Variants in PKD2L2 observed in about 807,000 individuals in gnomAD.
PKD2L2 encodes polycystin 2 like 2, transient receptor potential cation channel.
PKD2L2 carries 67 observed loss-of-function variants against 83.9 expected under a neutral mutation model. The ratio of observed to expected loss-of-function variants is 0.80; its 90% confidence interval spans 0.66 to 0.98. The LOEUF is 0.98. Ranked by LOEUF, PKD2L2 falls within the 50% of genes least tolerant of loss-of-function variation. The pLI is 0.00. For synonymous variants in PKD2L2, 223 were observed against 237.8 expected (o/e 0.94, Z 0.57); for missense variants, 632 against 717.2 (o/e 0.88, Z 1.36).
chr5:137,902,717 T>C (rs1261009866), intron 5 of PKD2L2, among the ~76,000 whole-genome samples: 1 of 152,112 alleles, frequency 6.6e-6, no homozygotes, highest in Non-Finnish European at 1.5e-5. Context: ...CAATGACATA[T>C]AATCACAGTT....
intron 14 of PKD2L2, among the ~76,000 whole-genome samples, chr5:137,937,364 G>T (rs1052924567): frequency 6.6e-6 from 1 of 152,158 alleles, no homozygotes; most frequent in Non-Finnish European, 1.5e-5. Context: ...TACAGAGCAG[G>T]GTAGGCGTAT....
rs1757583852 is a variant in PKD2L2, at chr5:137,908,966, G to A, written c.1328+20G>A. 4.8e-6 allele frequency: 7 copies of A among 1,446,702 alleles called. No homozygotes were observed. Among genetic ancestry groups the A allele is most frequent in the Non-Finnish European group, 6.7e-6 (7 of 1,046,206 alleles). 89.6% of individuals were successfully genotyped at this position (1,446,702 alleles called of 1,614,324 possible). A position where few individuals can be genotyped will look rare whatever the true frequency, so the allele number is the denominator to read the frequency against. On this transcript the variant is annotated intron_variant, in intron 8 of 14. Transcript: ENST00000508883. ...TTCCATGTAAGCTCTTAGTATAAAT[G>A]TAATTATATCTTCTATATTTTCTTA...
In PKD2L2 at chr5:137,942,730, G is replaced by A; in HGVS notation, c.*364G>A. The A allele has an allele frequency of 1.6e-6, 1 of 623,906 alleles. No homozygotes were observed. The highest frequency in any genetic ancestry group is 2.9e-5 in the South Asian group (1 of 33,986). The allele number at this position is 623,906 out of a possible 1,614,324, so 38.6% of individuals were successfully genotyped here. On this transcript the variant is annotated 3_prime_UTR_variant, in exon 15 of 15. Transcript: ENST00000508883. ...AAAATGGGAATGACAATAAATATTT[G>A]CAAATCACACTTGAAAAGCATGTGT...
At chr5:137,890,959 C>G (rs1414160052) in intron 2 of PKD2L2, among the ~76,000 whole-genome samples, 1 of 152,140 alleles carries the variant, frequency 6.6e-6, no homozygotes, top group Non-Finnish European at 1.5e-5. Flanking sequence ...AATCAAAGTA[C>G]AAATGAGGCC....
At chr5:137,937,393 T>A (rs1419311102) in intron 14 of PKD2L2, among the ~76,000 whole-genome samples, 1 of 152,214 alleles carries the variant, frequency 6.6e-6, no homozygotes, top group African/African-American at 2.4e-5. Context: ...TAAGTTATGT[T>A]TGGAAAGTGT....
intron 13 of PKD2L2, 66 bp downstream of exon 13, chr5:137,935,975 AAC>A (rs879320898): frequency 1.1e-6 from 1 of 903,880 alleles, no homozygotes; most frequent in Non-Finnish European, 1.8e-6. Flanking sequence ...ACATGAGTTA[AAC>A]ACATTATTTT....
chr5:137,940,047 C>T, intron 14 of PKD2L2: 1 of 1,613,740 alleles, frequency 6.2e-7, no homozygotes. Flanking sequence ...CTTACGCTCC[C>T]TTGAGAGGGC....
At chr5:137,919,525 T>TC (rs369318696) in intron 8 of PKD2L2, among the ~76,000 whole-genome samples, 3 of 151,374 alleles carry the variant, frequency 2.0e-5, no homozygotes, top group African/African-American at 7.2e-5. Context: ...TTTTTTTTTT[T>TC]CCCCAACTCA....
At chr5:137,898,718 A>C (rs1756701116) in intron 4 of PKD2L2, among the ~76,000 whole-genome samples, 1 of 152,042 alleles carries the variant, frequency 6.6e-6, no homozygotes, top group Admixed American at 6.6e-5. Context: ...CACAGCTAAC[A>C]GATGGATTTT....
At chr5:137,940,237 T>C in intron 14 of PKD2L2, 1 of 1,614,068 alleles carries the variant, frequency 6.2e-7, no homozygotes, top group Non-Finnish European at 8.5e-7. Context: ...ATATGGATTT[T>C]GAAGAATCTT....
chr5:137,909,605 C>T (rs906328366), intron 8 of PKD2L2, among the ~76,000 whole-genome samples: 2 of 140,884 alleles, frequency 1.4e-5, no homozygotes, highest in East Asian at 2.1e-4. Flanking sequence ...ACTACACTGG[C>T]GTTATCACAG....
At chr5:137,924,010 T>A (rs1759160197) in intron 10 of PKD2L2, among the ~76,000 whole-genome samples, 1 of 152,178 alleles carries the variant, frequency 6.6e-6, no homozygotes, top group Non-Finnish European at 1.5e-5. Flanking sequence ...CCTTATATAG[T>A]CTATTGTCAC....
chr5:137,936,531 C>T lies in PKD2L2; in HGVS notation c.*17+104C>T, dbSNP rs1034275694. ...AGTGCAGTGGCGTGGTCTCGGCTCA[C>T]TGCAAACTCCACCTCCCGGGTTCAA... On this transcript the variant is annotated intron_variant, in intron 14 of 14. Coordinates refer to ENST00000508883, the MANE Select transcript of PKD2L2 (RefSeq NM_001300921.2). 386 of 825,092 alleles carry T rather than the reference C, an allele frequency of 4.7e-4. 2 individuals carry two copies. The highest frequency in any genetic ancestry group is 4.8e-4 in the Admixed American group (18 of 37,574). 51.1% of individuals were successfully genotyped at this position (825,092 alleles called of 1,614,324 possible).
intron 5 of PKD2L2, among the ~76,000 whole-genome samples, chr5:137,902,759 T>C (rs1229053372): frequency 6.6e-6 from 1 of 152,156 alleles, no homozygotes; most frequent in Non-Finnish European, 1.5e-5. Flanking sequence ...TGGGGAAGCG[T>C]AAGATACTAA....
rs114599444 is a variant in PKD2L2, at chr5:137,909,097, A to C, written c.1328+151A>C. On this transcript the variant is annotated intron_variant, in intron 8 of 14. Transcript: ENST00000508883. ...TCTTTTTCTTTTTATTTTTCTGGAG[A>C]CAGGGTCTCATAGCTCACTGAAGCC... 3.9e-3 allele frequency: 2,179 copies of C among 557,210 alleles called. 35 individuals are homozygous for C. In the African/African-American group the frequency reaches 0.04, roughly 10 times the overall value. The allele number at this position is 557,210 out of a possible 1,614,324, so 34.5% of individuals were successfully genotyped here.
At chr5:137,916,767 G>A (rs752205145) in intron 8 of PKD2L2, among the ~76,000 whole-genome samples, 3 of 152,018 alleles carry the variant, frequency 2.0e-5, no homozygotes, top group Non-Finnish European at 2.9e-5. Context: ...GTGAGCCACT[G>A]AGCCTGGCTG....
At position 137,942,420 on chromosome 5, in the gene PKD2L2, C is replaced by T. The variant is rs748649615; in HGVS notation, c.*54C>T. 3.0e-4 allele frequency: 67 copies of T among 226,582 alleles called. 1 individual carries two copies. Among genetic ancestry groups the T allele is most frequent in the Middle Eastern group, 1.7e-3 (1 of 606 alleles). 14.0% of individuals were successfully genotyped at this position (226,582 alleles called of 1,614,324 possible). On this transcript the variant is annotated 3_prime_UTR_variant, in exon 15 of 15. Coordinates refer to ENST00000508883, the MANE Select transcript of PKD2L2 (RefSeq NM_001300921.2). ...CACTCTGTCGCCCAGGCTGGAACAG[C>T]GGTGCGACAGTGGCCTCAACATCCT... is the stretch of plus-strand genomic sequence containing the variant.
At position 137,940,136 on chromosome 5, in the gene PKD2L2, A is replaced by C. The variant is rs376480186; in HGVS notation, c.*18-2248A>C. The C allele has an allele frequency of 1.5e-5, 24 of 1,613,972 alleles. No individual in the cohort carries two copies. The highest frequency in any genetic ancestry group is 1.9e-5 in the Non-Finnish European group (22 of 1,179,946). ...AATGAGATTCTCTGAGTGCCTGACAAAACGAATTTAAGTACCAGCCAAGTA... is the reference window on the plus strand; with the variant it reads ...AATGAGATTCTCTGAGTGCCTGACACAACGAATTTAAGTACCAGCCAAGTA... On this transcript the variant is annotated intron_variant, in intron 14 of 14. Transcript: ENST00000508883.
At chr5:137,923,651 GTTTGT>G (rs1266720604) in intron 10 of PKD2L2, 130 bp downstream of exon 10, 4 of 632,442 alleles carry the variant, frequency 6.3e-6, no homozygotes, top group African/African-American at 3.8e-5. Context: ...CATCCCCAGG[GTTTGT>G]TTTGTGTTTT....
Sources: allele counts gnomAD v4.1 joint callset (sites outside exome capture counted in the v4.1 genomes callset), GRCh38; gene constraint gnomAD v4.1.1; transcripts MANE v1.5; gene names NCBI Gene and HGNC (gene_info 2026-07-23, HGNC 2026-07-21).